ANKRD12: variants seen among roughly 807,000 people sequenced by gnomAD.
ANKRD12 encodes ankyrin repeat domain 12, also known as ankyrin repeat domain-containing protein 12.
Under a neutral mutation model 183.4 loss-of-function variants are expected in ANKRD12, and 85 were observed. That is an observed-to-expected ratio of 0.46 (90% CI 0.39 to 0.56). The LOEUF is 0.56. Among genes scored for constraint, ANKRD12 ranks in the 20% least tolerant of loss-of-function variants. The pLI is 0.00. For synonymous variants in ANKRD12, 914 were observed against 800.2 expected, an observed-to-expected ratio of 1.14 and a Z score of -2.40; for missense variants, 2,405 against 2,357.1, an observed-to-expected ratio of 1.02 and a Z score of -0.42.
chr18:9,265,423 CAA>C (rs1478821657), intron 10 of ANKRD12, among the ~76,000 whole-genome samples: 2 of 151,898 alleles, frequency 1.3e-5, no homozygotes, highest in African/African-American at 4.9e-5. Flanking sequence ...TCCTCTGAGA[CAA>C]AACTTCCAGA....
intron 8 of ANKRD12, among the ~76,000 whole-genome samples, chr18:9,232,659 A>G (rs1352726660): frequency 1.3e-5 from 2 of 152,214 alleles, no homozygotes; most frequent in Non-Finnish European, 2.9e-5. Context: ...ATCTCTTGCT[A>G]GACTTGGGAA....
chr18:9,253,046 G>T (rs1039750107), intron 8 of ANKRD12, among the ~76,000 whole-genome samples: 4 of 152,022 alleles, frequency 2.6e-5, no homozygotes, highest in African/African-American at 9.7e-5. Flanking sequence ...ATATAAATAT[G>T]TGTATTTTTG....
chr18:9,158,983 T>C (rs114940920), intron 1 of ANKRD12, among the ~76,000 whole-genome samples: 92 of 152,350 alleles, frequency 6.0e-4, no homozygotes, highest in African/African-American at 2.0e-3. Flanking sequence ...TTGGGACCCC[T>C]TTCACTTTGC....
intron 8 of ANKRD12, among the ~76,000 whole-genome samples, chr18:9,237,221 T>G (rs759498445): frequency 6.6e-6 from 1 of 152,170 alleles, no homozygotes; most frequent in East Asian, 1.9e-4. Context: ...AGATACATAC[T>G]TGAAATATCT....
rs2038700250 is a variant in ANKRD12, at chr18:9,257,403, G to C, written c.4136G>C (p.Ser1379Thr). The C allele has an allele frequency of 6.2e-7, 1 of 1,614,010 alleles. No individual in the cohort carries two copies. The change falls in exon 9 of 13, where the codon AGC becomes ACC. Residue 1379 changes from serine (S) to threonine (T), a missense_variant. Physicochemically the swap from Ser to Thr is moderately conservative, Grantham distance 58 (BLOSUM62 1). Transcript: ENST00000262126. ...ACTTCTCCAACTGGAGCTTCAAACA[G>C]CAAGTATGTTTCAGCTGATAGAAAT... ...FATSPTGASN[S>T]KYVSADRNLI...
At chr18:9,165,182 T>C (rs948119518) in intron 1 of ANKRD12, among the ~76,000 whole-genome samples, 1 of 152,284 alleles carries the variant, frequency 6.6e-6, no homozygotes, top group East Asian at 1.9e-4. Context: ...TCTTTGTTGT[T>C]TTCAAGTCTG....
chr18:9,167,790 T>C (rs1279845064), intron 1 of ANKRD12, among the ~76,000 whole-genome samples: 1 of 152,242 alleles, frequency 6.6e-6, no homozygotes, highest in Non-Finnish European at 1.5e-5. Context: ...ATCTCTGTCT[T>C]GTGCCAGTTT....
At chr18:9,177,602 T>C (rs552654616) in intron 1 of ANKRD12, among the ~76,000 whole-genome samples, 8 of 152,318 alleles carry the variant, frequency 5.3e-5, no homozygotes, top group African/African-American at 1.9e-4. Flanking sequence ...CAAATAGCTG[T>C]CTACTAGCTA....
chr18:9,215,827 A>C (rs1009262132), intron 6 of ANKRD12, among the ~76,000 whole-genome samples: 3 of 152,124 alleles, frequency 2.0e-5, no homozygotes, highest in African/African-American at 7.2e-5. Context: ...TAGCGGGTGA[A>C]AAGTTTCAAA....
intron 1 of ANKRD12, among the ~76,000 whole-genome samples, chr18:9,170,853 TTGA>T: frequency 6.6e-6 from 1 of 152,308 alleles, no homozygotes; most frequent in African/African-American, 2.4e-5. Flanking sequence ...CCTTTGGTCT[TTGA>T]TGATGGTGAC....
At chr18:9,137,253 G>T (rs1230284118) in intron 1 of ANKRD12, among the ~76,000 whole-genome samples, 1 of 147,706 alleles carries the variant, frequency 6.8e-6, no homozygotes, top group African/African-American at 2.4e-5. Flanking sequence ...GCGTCGCGAG[G>T]AGCCGCGGCG....
intron 10 of ANKRD12, among the ~76,000 whole-genome samples, chr18:9,266,307 A>G (rs1181908316): frequency 6.6e-6 from 1 of 152,210 alleles, no homozygotes; most frequent in Non-Finnish European, 1.5e-5. Context: ...TCCAAGACAC[A>G]TAATTGTCAG....
intron 10 of ANKRD12, among the ~76,000 whole-genome samples, chr18:9,265,683 C>T (rs960337912): frequency 6.6e-6 from 1 of 152,000 alleles, no homozygotes; most frequent in African/African-American, 2.4e-5. Flanking sequence ...AAAAAAACAG[C>T]AGAAAAACTG....
At chr18:9,146,826 C>G (rs1188621029) in intron 1 of ANKRD12, among the ~76,000 whole-genome samples, 2 of 152,100 alleles carry the variant, frequency 1.3e-5, no homozygotes, top group African/African-American at 4.8e-5. Flanking sequence ...GTTCTGAAAT[C>G]TAGTGTATAT....
At chr18:9,279,929 TAGG>T (rs2040030221) in intron 12 of ANKRD12, among the ~76,000 whole-genome samples, 1 of 152,198 alleles carries the variant, frequency 6.6e-6, no homozygotes, top group East Asian at 1.9e-4. Flanking sequence ...AACGAAAGAA[TAGG>T]AGAATGGTAA....
At chr18:9,139,216 C>T (rs1266886586) in intron 1 of ANKRD12, among the ~76,000 whole-genome samples, 1 of 152,188 alleles carries the variant, frequency 6.6e-6, no homozygotes, top group East Asian at 1.9e-4. Context: ...CAGACTTACA[C>T]TGGTTTGTTA....
At chr18:9,151,997 A>G (rs777864333) in intron 1 of ANKRD12, among the ~76,000 whole-genome samples, 1 of 152,184 alleles carries the variant, frequency 6.6e-6, no homozygotes, top group Non-Finnish European at 1.5e-5. Flanking sequence ...CAGGAGGATT[A>G]CTTGAGGCCA....
At position 9,258,200 on chromosome 18, in the gene ANKRD12, T is replaced by G; in HGVS notation, c.4933T>G (p.Leu1645Val). 1 of 1,613,812 alleles carries G rather than the reference T, an allele frequency of 6.2e-7. No individual in the cohort carries two copies. The highest frequency in any genetic ancestry group is 1.3e-5 in the African/African-American group (1 of 75,022). ...ACTGGAGAGTTTGGTTTTAACTCAT[T>G]TGAGTAGGTGTGATTCTGATTTATG... ...NKLESLVLTH[L>V]SRCDSDLCEM... is the part of the protein sequence containing the mutation. The change falls in exon 9 of 13, where the codon TTG becomes GTG. Residue 1645 changes from leucine (L) to valine (V), a missense_variant. This residue lies in a region of ANKRD12 where 1,983 missense variants were observed against 1,725.9 expected (regional missense o/e 1.15). Transcript: ENST00000262126.
At chr18:9,258,981 G>C in intron 9 of ANKRD12, 50 bp downstream of exon 9, 1 of 1,517,204 alleles carries the variant, frequency 6.6e-7, no homozygotes, top group Non-Finnish European at 8.8e-7. Context: ...CCCAATAGAA[G>C]TATAATGCTA....
Sources: gnomAD v4.1 joint callset for allele counts (sites outside exome capture counted in the v4.1 genomes callset) on GRCh38, gnomAD v4.1.1 for gene constraint, gnomAD v4.1.1 regional missense constraint, MANE v1.5 for transcripts, NCBI Gene and HGNC (gene_info 2026-07-23, HGNC 2026-07-21) for gene names.